CUX2: variants seen among roughly 807,000 people sequenced by gnomAD.
CUX2 encodes homeobox protein cut-like 2.
CUX2 carries 40 observed loss-of-function variants against 144.8 expected under a neutral mutation model. The observed-to-expected ratio is 0.28, with a 90% CI of 0.21 to 0.36. CUX2 has a LOEUF of 0.36. Among genes scored for constraint, CUX2 ranks in the 10% least tolerant of loss-of-function variants. CUX2 has a pLI of 1.00. For synonymous variants in CUX2, 827 were observed against 875.6 expected (o/e 0.94, Z 0.98); for missense variants, 1,615 against 1,994.0 (o/e 0.81, Z 3.62).
intron 1 of CUX2, among the ~76,000 whole-genome samples, chr12:111,084,922 C>G (rs1260617387): frequency 6.6e-6 from 1 of 152,130 alleles, no homozygotes; most frequent in East Asian, 1.9e-4. Flanking sequence ...CATTCTTCCT[C>G]TTCTCACCAC....
intron 1 of CUX2, among the ~76,000 whole-genome samples, chr12:111,210,765 C>G (rs1881178894): frequency 1.3e-5 from 2 of 151,814 alleles, no homozygotes; most frequent in African/African-American, 4.8e-5. Context: ...CTACTGCACT[C>G]CAGCCTAGGT....
intron 1 of CUX2, among the ~76,000 whole-genome samples, chr12:111,197,587 A>G (rs1880317021): frequency 6.6e-6 from 1 of 152,208 alleles, no homozygotes; most frequent in Non-Finnish European, 1.5e-5. Flanking sequence ...ACCCTCCTTC[A>G]GAAATGTGAC....
intron 3 of CUX2, among the ~76,000 whole-genome samples, chr12:111,248,552 C>T (rs1400041975): frequency 6.6e-6 from 1 of 152,052 alleles, no homozygotes; most frequent in African/African-American, 2.4e-5. Context: ...TGTCTGTCAC[C>T]CGGCTATGCA....
intron 1 of CUX2, among the ~76,000 whole-genome samples, chr12:111,080,934 G>A (rs2136042434): frequency 6.6e-6 from 1 of 152,316 alleles, no homozygotes; most frequent in African/African-American, 2.4e-5. Flanking sequence ...CTATAAAGTG[G>A]AGACGCTGCT....
At position 111,194,739 on chromosome 12, in the gene CUX2, G is replaced by A. The variant is rs145098665; in HGVS notation, c.64-19461G>A. On this transcript the variant is annotated intron_variant, in intron 1 of 21. Coordinates refer to ENST00000261726, the MANE Select transcript of CUX2 (RefSeq NM_015267.4). The stretch of plus-strand genomic sequence containing the variant: ...TCGGTCCCTGATGTACCCGGTGCCC[G>A]TCACACAGCAGGTGCTTAAAGCATA... Among the ~76,000 whole-genome samples the A allele has an allele frequency of 2.0e-3, 304 of 152,328 alleles. 1 individual carries two copies. In the Middle Eastern group the frequency reaches 0.02, roughly 10 times the overall value.
Position 111,322,571 on chromosome 12 carries a change from G to T in CUX2, c.2917G>T (p.Ala973Ser). 1 of 1,608,620 alleles carries T rather than the reference G, an allele frequency of 6.2e-7. No individual in the cohort carries two copies. The part of the protein sequence containing the change: ...LGQAVGQQPG[A>S]SQASPTEPRS... ...CCAGGCAGTGGGCCAGCAGCCTGGT[G>T]CCTCCCAGGGTGAGTGCGGGCAGGA... is the stretch of plus-strand genomic sequence containing the variant. The change falls in exon 18 of 22, where the codon GCC becomes TCC. Residue 973 changes from alanine to serine, a missense_variant. Physicochemically the swap from Ala to Ser is moderately conservative, Grantham distance 99. This residue lies in a region of CUX2 where 128 missense variants were observed against 124.4 expected (regional missense o/e 1.03). Coordinates refer to ENST00000261726, the MANE Select transcript of CUX2 (RefSeq NM_015267.4). This position sits in a 1 kb window ranked among gnomAD's most constrained non-coding sequence, Gnocchi z 4.2.
chr12:111,291,220 C>T (rs1158835694), intron 4 of CUX2, among the ~76,000 whole-genome samples, 198 bp from the exon 5 acceptor site: 3 of 152,170 alleles, frequency 2.0e-5, no homozygotes, highest in Non-Finnish European at 4.4e-5. Flanking sequence ...TACCCATACC[C>T]TGGAGATAGC....
chr12:111,141,921 T>TA (rs1392490711), intron 1 of CUX2, among the ~76,000 whole-genome samples: 2 of 152,080 alleles, frequency 1.3e-5, no homozygotes, highest in Non-Finnish European at 2.9e-5. Context: ...CTGTCTCTAC[T>TA]AAAAATACAA....
chr12:111,201,759 C>A (rs1307088659), intron 1 of CUX2, among the ~76,000 whole-genome samples: 1 of 152,190 alleles, frequency 6.6e-6, no homozygotes, highest in Non-Finnish European at 1.5e-5. Context: ...TTTCTTCCCA[C>A]CCCCAGATGC....
At chr12:111,297,883 A>G (rs1228374282) in intron 8 of CUX2, among the ~76,000 whole-genome samples, 6 of 152,166 alleles carry the variant, frequency 3.9e-5, no homozygotes, top group Admixed American at 2.0e-4. Context: ...AAAGAGAATG[A>G]CAAGCAGGGG....
chr12:111,193,901 C>G (rs967458077), intron 1 of CUX2, among the ~76,000 whole-genome samples: 6 of 152,022 alleles, frequency 3.9e-5, no homozygotes, highest in Non-Finnish European at 5.9e-5. Context: ...ACAGTCTGTC[C>G]CAGGATGGAG....
intron 19 of CUX2, among the ~76,000 whole-genome samples, chr12:111,337,352 C>CAA (rs1197695502): frequency 0.012 from 1,292 of 111,440 alleles, 16 homozygotes; most frequent in African/African-American, 0.037. Context: ...GACCCTGTCT[C>CAA]AAAAAAAAAA....
At chr12:111,142,323 G>A (rs1323819695) in intron 1 of CUX2, among the ~76,000 whole-genome samples, 3 of 152,046 alleles carry the variant, frequency 2.0e-5, no homozygotes, top group Non-Finnish European at 4.4e-5. Context: ...GTGAGGCAAT[G>A]TACAGTGGCA....
intron 4 of CUX2, among the ~76,000 whole-genome samples, chr12:111,265,402 C>T (rs1263247932): frequency 2.0e-5 from 3 of 151,146 alleles, no homozygotes; most frequent in Non-Finnish European, 4.4e-5. Flanking sequence ...AGTGCAGTAG[C>T]GCGATCTCAG....
rs564028595 is a variant in CUX2 at position 111,105,508 on chromosome 12, T to TGTGC, written c.63+71269_63+71270insTGCG. 5.4e-3 allele frequency among the ~76,000 whole-genome samples: 829 copies of TGTGC among 152,262 alleles called. 13 individuals are homozygous for TGTGC. The highest frequency in any genetic ancestry group is 0.019 in the African/African-American group (775 of 41,536). On this transcript the variant is annotated intron_variant, in intron 1 of 21. Transcript: ENST00000261726. ...CTCTGTGTGTGTGTGTGTGTGTGTG[T>TGTGC]GCTCACGCACGTGTGCATGTGAGCT...
chr12:111,310,657 C>T lies in CUX2; in HGVS notation c.1875C>T (p.Leu625=). Reference sequence around the variant, plus strand: ...CGGATGAGCAGAATGTACTGGCGCTCAGGACCATCCAAGTGCGGCAGCGAG... The same window carrying T: ...CGGATGAGCAGAATGTACTGGCGCTTAGGACCATCCAAGTGCGGCAGCGAG... The part of the protein sequence containing the change: ...FLSDEQNVLA[L]RTIQVRQRGS... The change falls in exon 15 of 22, where the codon CTC becomes CTT. Residue 625 remains leucine (L), a synonymous_variant. Coordinates refer to ENST00000261726, the MANE Select transcript of CUX2 (RefSeq NM_015267.4). The surrounding 1 kb of genome is among the most constrained non-coding windows in gnomAD (Gnocchi z 7.9). The T allele has an allele frequency of 6.3e-7, 1 of 1,594,416 alleles. No homozygotes were observed. Among genetic ancestry groups the T allele is most frequent in the South Asian group, 1.1e-5 (1 of 90,366 alleles).
chr12:111,250,944 C>G (rs1462068670), intron 3 of CUX2, among the ~76,000 whole-genome samples: 2 of 152,174 alleles, frequency 1.3e-5, no homozygotes, highest in Non-Finnish European at 2.9e-5. Context: ...GGTCTCATCT[C>G]CATATATGAC....
At chr12:111,119,091 ACAGCAG>A (rs1322000914) in intron 1 of CUX2, among the ~76,000 whole-genome samples, 1 of 152,226 alleles carries the variant, frequency 6.6e-6, no homozygotes, top group Non-Finnish European at 1.5e-5. Flanking sequence ...TCTGGAAGGA[ACAGCAG>A]CAGAGGGCAA....
chr12:111,100,521 G>A (rs888756971), intron 1 of CUX2, among the ~76,000 whole-genome samples: 1 of 152,108 alleles, frequency 6.6e-6, no homozygotes, highest in Non-Finnish European at 1.5e-5. Context: ...ACACATGGGT[G>A]CGTGACTGGT....
Sources: allele counts gnomAD v4.1 joint callset (sites outside exome capture counted in the v4.1 genomes callset), GRCh38; gene constraint gnomAD v4.1.1; regional missense constraint gnomAD v4.1.1; non-coding constraint Gnocchi (gnomAD v3.1); transcripts MANE v1.5; gene names NCBI Gene and HGNC (gene_info 2026-07-23, HGNC 2026-07-21).